PRRG1: variants seen among roughly 807,000 people sequenced by gnomAD.
The protein encoded by PRRG1 is transmembrane gamma-carboxyglutamic acid protein 1.
PRRG1 carries 5 observed loss-of-function variants against 11.8 expected under a neutral mutation model. That is an observed-to-expected ratio of 0.42 (90% CI 0.22 to 0.89). PRRG1 has a LOEUF of 0.89. PRRG1 is among the 40% of genes least tolerant of loss of function. PRRG1 has a pLI of 0.28. For synonymous variants in PRRG1, 66 were observed against 60.4 expected, an observed-to-expected ratio of 1.09 and a Z score of -0.43; for missense variants, 155 against 166.1, an observed-to-expected ratio of 0.93 and a Z score of 0.37.
At chrX:37,438,857 G>A (rs1422495146) in intron 3 of PRRG1, among the ~76,000 whole-genome samples, 1 of 111,811 alleles carries the variant, frequency 8.9e-6, no homozygotes, top group African/African-American at 3.3e-5. Context: ...GATCTGGATG[G>A]GGTGACTACT....
chrX:37,381,693 C>T (rs1222601921), intron 1 of PRRG1, among the ~76,000 whole-genome samples: 1 of 111,164 alleles, frequency 9.0e-6, no homozygotes, highest in Non-Finnish European at 1.9e-5. Context: ...TCTTTTATTA[C>T]ATGATTTTGT....
At chrX:37,373,082 C>CT (rs1488423951) in intron 1 of PRRG1, among the ~76,000 whole-genome samples, 1 of 111,810 alleles carries the variant, frequency 8.9e-6, no homozygotes, top group Non-Finnish European at 1.9e-5. Context: ...TTCTTGGCCC[C>CT]TTTTTGAAAA....
chrX:37,353,801 T>C (rs4517255), intron 1 of PRRG1, among the ~76,000 whole-genome samples: 16,392 of 111,947 alleles, frequency 0.15, 992 homozygotes, highest in African/African-American at 0.23. Flanking sequence ...TCCAGGTATG[T>C]GTGAGTACAT....
Position 37,441,482 on chromosome X carries a change from A to C in PRRG1, c.172-11654A>C, listed in dbSNP as rs1180681231. On this transcript the variant is annotated intron_variant, in intron 3 of 3. Transcript: ENST00000378628. ...GCCTTCAGCCAGCTACTACTACCAC[A>C]GCTCCCGCCTGCCTGCTCACCACAT... 5 of 753,266 alleles carry C rather than the reference A, an allele frequency of 6.6e-6. No homozygotes were observed. The African/African-American group carries it at 1.2e-4, about 18-fold the overall frequency. The allele number at this position is 753,266 out of a possible 1,213,427, so 62.1% of individuals were successfully genotyped here.
chrX:37,437,114 GT>G (rs1932893176), intron 3 of PRRG1, among the ~76,000 whole-genome samples: 1 of 112,296 alleles, frequency 8.9e-6, no homozygotes, highest in African/African-American at 3.2e-5. Flanking sequence ...TTTAAAGTAC[GT>G]TTTTATTGAT....
intron 2 of PRRG1, among the ~76,000 whole-genome samples, chrX:37,409,796 A>T (rs781838884): frequency 8.9e-6 from 1 of 112,319 alleles, no homozygotes; most frequent in South Asian, 3.7e-4. Context: ...AGGGACACAG[A>T]GGAAAAATAT....
intron 1 of PRRG1, among the ~76,000 whole-genome samples, chrX:37,357,664 C>T (rs192473039): frequency 8.9e-6 from 1 of 111,999 alleles, no homozygotes; most frequent in East Asian, 2.8e-4. Flanking sequence ...ATGCCTTTCG[C>T]CCATTAGTCA....
At chrX:37,407,395 G>C (rs1392751566) in intron 2 of PRRG1, among the ~76,000 whole-genome samples, 1 of 112,105 alleles carries the variant, frequency 8.9e-6, no homozygotes, top group Non-Finnish European at 1.9e-5. Flanking sequence ...GGTCCCAACA[G>C]CTTTTACATT....
chrX:37,452,169 A>G (rs1259862214), intron 3 of PRRG1, among the ~76,000 whole-genome samples: 1 of 112,555 alleles, frequency 8.9e-6, no homozygotes. Context: ...GTATCAAAGT[A>G]AGGGATAGGT....
chrX:37,429,646 T>G (rs1271056735), intron 3 of PRRG1, among the ~76,000 whole-genome samples: 6 of 111,906 alleles, frequency 5.4e-5, no homozygotes, highest in Non-Finnish European at 7.5e-5. Flanking sequence ...TTTTTCTGTC[T>G]TCTTCTGAGC....
At chrX:37,366,553 C>G (rs1423085053) in intron 1 of PRRG1, among the ~76,000 whole-genome samples, 1 of 111,967 alleles carries the variant, frequency 8.9e-6, no homozygotes, top group Non-Finnish European at 1.9e-5. Context: ...AATCAGTTGT[C>G]TGAATTCATC....
At chrX:37,440,976 C>A in intron 3 of PRRG1, 1 of 679,704 alleles carries the variant, frequency 1.5e-6, no homozygotes, top group Non-Finnish European at 2.1e-6. Flanking sequence ...ACCATGTTGC[C>A]TAGGCTGGTC....
chrX:37,395,390 G>A (rs1260332202), intron 1 of PRRG1, among the ~76,000 whole-genome samples: 4 of 111,377 alleles, frequency 3.6e-5, no homozygotes, highest in East Asian at 5.6e-4. Flanking sequence ...CAAGGCGGGC[G>A]AATCACGAGG....
chrX:37,432,989 TCCCACA>T (rs1932847800), intron 3 of PRRG1, among the ~76,000 whole-genome samples: 1 of 111,413 alleles, frequency 9.0e-6, no homozygotes, highest in African/African-American at 3.3e-5. Flanking sequence ...CTTTTTCATA[TCCCACA>T]CCCCATCTGC....
chrX:37,434,309 TG>T (rs1556391350), intron 3 of PRRG1, among the ~76,000 whole-genome samples: 1 of 111,950 alleles, frequency 8.9e-6, no homozygotes, highest in East Asian at 2.8e-4. Context: ...ATGTAGAAAA[TG>T]GGTCAGATTT....
chrX:37,438,238 A>G (rs1420155909), intron 3 of PRRG1, among the ~76,000 whole-genome samples: 7 of 110,319 alleles, frequency 6.3e-5, no homozygotes, highest in Non-Finnish European at 1.3e-4. Context: ...ACTAAAAAGT[A>G]TAAATAATTA....
chrX:37,388,720 C>T (rs1931418854), intron 1 of PRRG1, among the ~76,000 whole-genome samples: 1 of 113,028 alleles, frequency 8.8e-6, no homozygotes, highest in Admixed American at 9.3e-5. Context: ...CCATGAAGAT[C>T]TCTGAAATGC....
chrX:37,381,679 A>G (rs1448241975), intron 1 of PRRG1, among the ~76,000 whole-genome samples: 3 of 110,607 alleles, frequency 2.7e-5, no homozygotes, highest in Non-Finnish European at 5.7e-5. Flanking sequence ...CTTTTATTTT[A>G]TCTTCTTTTA....
At chrX:37,404,712 A>G (rs1320812779) in intron 1 of PRRG1, among the ~76,000 whole-genome samples, 1 of 111,522 alleles carries the variant, frequency 9.0e-6, no homozygotes, top group East Asian at 2.8e-4. Flanking sequence ...GGTGGTCCGC[A>G]TAAAATTTTT....
Sources: allele counts gnomAD v4.1 joint callset (sites outside exome capture counted in the v4.1 genomes callset), GRCh38; gene constraint gnomAD v4.1.1; transcripts MANE v1.5; gene names NCBI Gene and HGNC (gene_info 2026-07-23, HGNC 2026-07-21).